Variants in SCFD2 observed in about 807,000 individuals in gnomAD.
SCFD2 encodes sec1 family domain-containing protein 2.
In SCFD2, 54 loss-of-function variants were observed where a neutral mutation model predicts 58.9. That is an observed-to-expected ratio of 0.92 (90% confidence interval 0.74 to 1.15). The LOEUF is 1.15. Among genes scored for constraint, SCFD2 ranks in the 50% most tolerant of loss-of-function variants. The pLI, the probability that SCFD2 is intolerant of heterozygous loss-of-function variation, is 0.00. For synonymous variants in SCFD2, 321 were observed against 335.9 expected (o/e 0.96, Z 0.49); for missense variants, 805 against 836.6 (o/e 0.96, Z 0.47).
intron 5 of SCFD2, among the ~76,000 whole-genome samples, chr4:53,047,150 T>C (rs1723061082): frequency 6.6e-6 from 1 of 152,172 alleles, no homozygotes; most frequent in African/African-American, 2.4e-5. Context: ...CTCAAAAGTG[T>C]GAAATCCCAA....
intron 5 of SCFD2, among the ~76,000 whole-genome samples, chr4:53,028,681 A>T (rs1722541980): frequency 6.6e-6 from 1 of 152,196 alleles, no homozygotes; most frequent in African/African-American, 2.4e-5. Context: ...AAGAAGAAAA[A>T]AAGAAGAGGA....
Position 52,885,620 on chromosome 4 carries a change from C to G in SCFD2, c.1962+127G>C, listed in dbSNP as rs920112497. 16 of 1,150,418 alleles carry G rather than the reference C, an allele frequency of 1.4e-5. No homozygotes were observed. The African/African-American group carries it at 2.3e-4, about 17-fold the overall frequency. The allele number at this position is 1,150,418 out of a possible 1,614,324, so 71.3% of individuals were successfully genotyped here. A position where few individuals can be genotyped will look rare whatever the true frequency, so the allele number is the denominator to read the frequency against. On this transcript the variant is annotated intron_variant, in intron 8 of 8. Transcript: ENST00000401642. ...ACAGGCGGTAGCAGGAGGGAGGGAA[C>G]AAAGCCAAGAGGGTGATGGGCAGGC...
chr4:53,358,749 G>T (rs1266876503), intron 1 of SCFD2, among the ~76,000 whole-genome samples: 2 of 152,174 alleles, frequency 1.3e-5, no homozygotes, highest in East Asian at 3.9e-4. Flanking sequence ...AGGAATTCAT[G>T]AATCAAGTCT....
At chr4:52,928,023 G>C (rs955550183) in intron 5 of SCFD2, among the ~76,000 whole-genome samples, 1 of 152,056 alleles carries the variant, frequency 6.6e-6, no homozygotes, top group African/African-American at 2.4e-5. Flanking sequence ...AACCTAATGT[G>C]AGTTTAAGTT....
chr4:53,360,176 T>G (rs558338893), intron 1 of SCFD2, among the ~76,000 whole-genome samples: 2 of 152,346 alleles, frequency 1.3e-5, no homozygotes, highest in South Asian at 4.1e-4. Context: ...ATCCTGTATA[T>G]CACTAATATG....
chr4:53,365,929 C>G lies in SCFD2; in HGVS notation c.13G>C (p.Gly5Arg), dbSNP rs760188000. 4 of 1,537,118 alleles carry G rather than the reference C, an allele frequency of 2.6e-6. No homozygotes were observed. The East Asian group carries it at 9.1e-5, about 35-fold the overall frequency. ...CCTTGCTGGGTAAAGGACAGTACGC[C>G]CGAGGCGCTCATGGTTGGGGATTCG... MSAS[G>R]VLSFTQQGWE... is the part of the protein sequence containing the mutation. The change falls in exon 1 of 9, where the codon GGC (glycine) becomes CGC (arginine). Residue 5 changes from glycine (G) to arginine (R), a missense_variant. Around this residue, in one of 3 missense-constraint regions of SCFD2, gnomAD observed 155 missense variants for 149.7 expected, o/e 1.04. Transcript: ENST00000401642. The surrounding 1 kb of genome is among the most constrained non-coding windows in gnomAD (Gnocchi z 4.3).
At chr4:52,893,068 A>G (rs1368470922) in intron 7 of SCFD2, among the ~76,000 whole-genome samples, 1 of 152,248 alleles carries the variant, frequency 6.6e-6, no homozygotes, top group African/African-American at 2.4e-5. Context: ...GCAAAGAGGA[A>G]TTCCAGGACT....
intron 5 of SCFD2, among the ~76,000 whole-genome samples, chr4:52,974,467 A>G (rs937536268): frequency 2.2e-4 from 34 of 152,306 alleles, no homozygotes; most frequent in African/African-American, 2.2e-4. Context: ...TACAAGGGAC[A>G]TGAAGGACCT....
intron 4 of SCFD2, among the ~76,000 whole-genome samples, chr4:53,227,895 G>T (rs1004154132): frequency 3.9e-5 from 6 of 152,180 alleles, no homozygotes; most frequent in African/African-American, 1.2e-4. Flanking sequence ...TACTAGAAGT[G>T]CAGTTTGACA....
chr4:53,030,607 A>T (rs1245200556), intron 5 of SCFD2, among the ~76,000 whole-genome samples: 1 of 152,178 alleles, frequency 6.6e-6, no homozygotes, highest in Non-Finnish European at 1.5e-5. Flanking sequence ...TTTTTAGTAG[A>T]GACGGAGTTT....
chr4:53,217,694 G>A (rs1403006913), intron 4 of SCFD2, among the ~76,000 whole-genome samples: 1 of 152,168 alleles, frequency 6.6e-6, no homozygotes, highest in African/African-American at 2.4e-5. Context: ...TATGATGTTA[G>A]CTGCTTATTT....
At position 53,036,691 on chromosome 4, in the gene SCFD2, CA is replaced by C. The variant is rs201274240; in HGVS notation, c.1561+108641del. Among the ~76,000 whole-genome samples, 88 of 151,932 alleles carry C rather than the reference CA, an allele frequency of 5.8e-4. 1 individual carries two copies. The East Asian group carries it at 0.015, about 27-fold the overall frequency. On this transcript the variant is annotated intron_variant, in intron 5 of 8. Coordinates refer to ENST00000401642, the MANE Select transcript of SCFD2 (RefSeq NM_152540.4). Reference sequence around the variant, plus strand: ...GGGAACATCACACGCCGGGGCCTGTCAGGGGGTGTGGGGCTAGGGAAAGGAT... The same window carrying C: ...GGGAACATCACACGCCGGGGCCTGTCGGGGGTGTGGGGCTAGGGAAAGGAT...
At chr4:53,255,245 G>C (rs1376399026) in intron 4 of SCFD2, among the ~76,000 whole-genome samples, 2 of 93,250 alleles carry the variant, frequency 2.1e-5, no homozygotes, top group Non-Finnish European at 5.2e-5. Flanking sequence ...GATCATTCTT[G>C]GGTGTTTCTC....
At chr4:53,363,826 C>CAAAA (rs754101699) in intron 1 of SCFD2, among the ~76,000 whole-genome samples, 11 of 107,142 alleles carry the variant, frequency 1.0e-4, no homozygotes, top group East Asian at 2.8e-4. Flanking sequence ...GACTCCGTCT[C>CAAAA]AAAAAAAAAA....
intron 5 of SCFD2, among the ~76,000 whole-genome samples, chr4:53,101,615 T>C (rs1320548517): frequency 2.0e-5 from 3 of 152,106 alleles, no homozygotes; most frequent in African/African-American, 7.2e-5. Context: ...AAAGATATAA[T>C]GGTAGAGAAA....
intron 4 of SCFD2, among the ~76,000 whole-genome samples, chr4:53,205,982 A>G (rs1305120373): frequency 6.6e-6 from 1 of 152,184 alleles, no homozygotes; most frequent in Non-Finnish European, 1.5e-5. Flanking sequence ...TACAACTCTC[A>G]GCTGTGAACA....
At chr4:53,199,871 C>T (rs1728172752) in intron 4 of SCFD2, among the ~76,000 whole-genome samples, 1 of 152,028 alleles carries the variant, frequency 6.6e-6, no homozygotes, top group Admixed American at 6.6e-5. Flanking sequence ...TAAGGGCTCT[C>T]TTCCTGCTTG....
At chr4:52,915,019 T>C (rs1256948608) in intron 6 of SCFD2, among the ~76,000 whole-genome samples, 1 of 152,210 alleles carries the variant, frequency 6.6e-6, no homozygotes, top group South Asian at 2.1e-4. Context: ...GTTATTCTTT[T>C]GGGGTGAACA....
chr4:53,016,842 C>T (rs1722224942), intron 5 of SCFD2, among the ~76,000 whole-genome samples: 1 of 152,148 alleles, frequency 6.6e-6, no homozygotes, highest in South Asian at 2.1e-4. Flanking sequence ...GGTGCGGTGG[C>T]TTATACCTGT....
Sources: gnomAD v4.1 joint callset for allele counts (sites outside exome capture counted in the v4.1 genomes callset) on GRCh38, gnomAD v4.1.1 for gene constraint, gnomAD v4.1.1 regional missense constraint, Gnocchi (gnomAD v3.1) non-coding constraint, MANE v1.5 for transcripts, NCBI Gene and HGNC (gene_info 2026-07-23, HGNC 2026-07-21) for gene names.